Variants in PZP observed in about 807,000 individuals in gnomAD.
The protein encoded by PZP is PZP alpha-2-macroglobulin like.
PZP carries 150 observed loss-of-function variants against 179.8 expected under a neutral mutation model. The ratio of observed to expected loss-of-function variants is 0.83; its 90% CI spans 0.73 to 0.96. The LOEUF is 0.96. Ranked by LOEUF, PZP falls within the 40% of genes least tolerant of loss-of-function variation. The probability of loss-of-function intolerance (pLI) is 0.00; values close to 1 mark genes in which losing one functional copy is unlikely to be tolerated. For synonymous variants in PZP, 624 were observed against 652.3 expected, an observed-to-expected ratio of 0.96 and a Z score of 0.66; for missense variants, 1,689 against 1,764.0, an observed-to-expected ratio of 0.96 and a Z score of 0.76.
At position 9,208,249 on chromosome 12, in the gene PZP, T is replaced by A; in HGVS notation, c.83+10A>T. ...GCACTCTGGAGGAAGGGGTCTTGAGTGAGACTTACGGTTCTGTAGAGTTTG... is the reference window on the plus strand; with the variant it reads ...GCACTCTGGAGGAAGGGGTCTTGAGAGAGACTTACGGTTCTGTAGAGTTTG... On this transcript the variant is annotated intron_variant, in intron 1 of 35. Coordinates refer to ENST00000261336, the MANE Select transcript of PZP (RefSeq NM_002864.3). The A allele has an allele frequency of 6.2e-7, 1 of 1,608,836 alleles. No individual in the cohort carries two copies. The highest frequency in any genetic ancestry group is 1.3e-5 in the African/African-American group (1 of 74,934).
chr12:9,149,104 C>T, intron 35 of PZP, 110 bp from the exon 36 acceptor site: 3 of 934,672 alleles, frequency 3.2e-6, no homozygotes, highest in East Asian at 2.4e-5. Flanking sequence ...TTGTGAAAGG[C>T]CAGATGGTAA....
chr12:9,179,616 G>C (rs140044485), intron 15 of PZP, among the ~76,000 whole-genome samples: 2 of 152,076 alleles, frequency 1.3e-5, no homozygotes, highest in Non-Finnish European at 2.9e-5. Flanking sequence ...TAAATAGTTC[G>C]ATCTGTTAAA....
rs1156616035 is a variant in PZP at position 9,157,306 on chromosome 12, A to G, written c.3419T>C (p.Val1140Ala). 7 of 1,614,082 alleles carry G rather than the reference A, an allele frequency of 4.3e-6. No homozygotes were observed. Among genetic ancestry groups the G allele is most frequent in the African/African-American group, 2.7e-5 (2 of 75,038 alleles). ...GCTCCCATGGGTCCCCTCCTTTGCTACATTCCAGGCTGACTCCAGGCAGAA... is the reference window on the plus strand; with the variant it reads ...GCTCCCATGGGTCCCCTCCTTTGCTGCATTCCAGGCTGACTCCAGGCAGAA... ...ALFCLESAWN[V>A]AKEGTHGSHV... is the part of the protein sequence containing the mutation. The change falls in exon 28 of 36, where the codon GTA (valine) becomes GCA (alanine). Residue 1140 changes from valine (V) to alanine (A), a missense_variant. Transcript: ENST00000261336.
rs770754786 is a variant in PZP, at chr12:9,200,967, G to A, written c.595C>T (p.Gln199Ter). The change falls in exon 6 of 36, where the codon CAG (glutamine) becomes TAG (stop). Residue 199 changes from glutamine to a stop codon, truncating the protein, a stop_gained. Transcript: ENST00000261336. LOFTEE classifies it high-confidence loss of function. ...LSFPLSSEPI[Q>*]GSYRVVVQTE... Reference sequence around the variant, plus strand: ...TGTACCACCACCCTGTAGGAGCCCTGAATGGGCTCTGATGAGAGGGGAAAG... The same window carrying A: ...TGTACCACCACCCTGTAGGAGCCCTAAATGGGCTCTGATGAGAGGGGAAAG... The A allele has an allele frequency of 1.7e-5, 28 of 1,613,822 alleles. No homozygotes were observed. Among genetic ancestry groups the A allele is most frequent in the Non-Finnish European group, 2.3e-5 (27 of 1,179,818 alleles).
intron 1 of PZP, among the ~76,000 whole-genome samples, chr12:9,207,938 C>T (rs1944521984): frequency 6.6e-6 from 1 of 152,178 alleles, no homozygotes; most frequent in Non-Finnish European, 1.5e-5. Context: ...AGTTGCACTT[C>T]ACTATATATT....
At chr12:9,169,777 C>T in intron 15 of PZP, 186 bp from the exon 16 acceptor site, 3 of 482,622 alleles carry the variant, frequency 6.2e-6, no homozygotes, top group Non-Finnish European at 6.7e-6. Context: ...AGAAATGAAA[C>T]CTACTTGGGA....
intron 15 of PZP, among the ~76,000 whole-genome samples, chr12:9,176,496 C>T (rs1364661772): frequency 1.3e-5 from 2 of 152,140 alleles, no homozygotes; most frequent in Non-Finnish European, 2.9e-5. Flanking sequence ...AAACGCAGTC[C>T]ATATTCAAAA....
At chr12:9,145,901 A>G (rs756464133), downstream of PZP, among the ~76,000 whole-genome samples, 122 of 152,350 alleles carry the variant, frequency 8.0e-4, 1 homozygote, top group Non-Finnish European at 1.1e-3. Context: ...CTGAAAAACC[A>G]GCTGATCATC....
chr12:9,165,780 C>T (rs1051659823), intron 18 of PZP, among the ~76,000 whole-genome samples: 5 of 152,132 alleles, frequency 3.3e-5, no homozygotes, highest in Non-Finnish European at 5.9e-5. Context: ...GCTCCCTGAA[C>T]GACATTAAGC....
intron 6 of PZP, 136 bp from the exon 7 acceptor site, chr12:9,200,584 G>A (rs1944098286): frequency 1.3e-6 from 1 of 742,078 alleles, no homozygotes; most frequent in African/African-American, 1.8e-5. Flanking sequence ...TCAACTTTAA[G>A]ATGGTAAGGT....
chr12:9,177,115 C>T (rs1487018871), intron 15 of PZP, among the ~76,000 whole-genome samples: 5 of 152,150 alleles, frequency 3.3e-5, no homozygotes, highest in African/African-American at 7.2e-5. Flanking sequence ...GAACATTGTT[C>T]GTCGCACAAT....
At chr12:9,138,035 G>T in the PZP span, among the ~76,000 whole-genome samples, 2 of 151,982 alleles carry the variant, frequency 1.3e-5, no homozygotes, top group Non-Finnish European at 2.9e-5. Context: ...AACTGTTCTG[G>T]CTAGGGCTTT....
chr12:9,158,473 T>C lies in PZP; in HGVS notation c.3241A>G (p.Lys1081Glu). ...GAGCTCCTGAAACAGCCATTGTCCT[T>C]CTGCATCTGGGAGAGCCACGTGAGA... ...QSLTWLSQMQ[K>E]DNGCFRSSGS... is the part of the protein sequence containing the mutation. The change falls in exon 26 of 36, where the codon AAG becomes GAG. Residue 1081 changes from lysine to glutamate, a missense_variant. Lys to Glu is a moderately conservative substitution (Grantham distance 56). Transcript: ENST00000261336. 1 of 1,614,202 alleles carries C rather than the reference T, an allele frequency of 6.2e-7. No individual in the cohort carries two copies. Among genetic ancestry groups the C allele is most frequent in the Non-Finnish European group, 8.5e-7 (1 of 1,180,026 alleles).
chr12:9,141,520 T>G, the PZP span, among the ~76,000 whole-genome samples: 3 of 152,228 alleles, frequency 2.0e-5, no homozygotes, highest in Non-Finnish European at 4.4e-5. Context: ...AATGTCAGTT[T>G]ACAGAAAAAC....
chr12:9,184,448 G>C (rs895981917), intron 13 of PZP, among the ~76,000 whole-genome samples: 1 of 152,194 alleles, frequency 6.6e-6, no homozygotes, highest in Non-Finnish European at 1.5e-5. Flanking sequence ...ATGCACAGTT[G>C]CTAGTGGGGA....
chr12:9,158,584 G>A lies in PZP; in HGVS notation c.3138-8C>T, dbSNP rs202092352. 96 of 1,613,604 alleles carry A rather than the reference G, an allele frequency of 5.9e-5. No homozygotes were observed. Among genetic ancestry groups the A allele is most frequent in the Non-Finnish European group, 7.8e-5 (92 of 1,179,730 alleles). The stretch of plus-strand genomic sequence containing the variant: ...AGTACAAAAGCTGTGAGCCTAGGGG[G>A]AGGAAAAATGCAGTGCTGAGGCTCT... On this transcript the variant is annotated splice_polypyrimidine_tract_variant and splice_region_variant and intron_variant, in intron 25 of 35. Transcript: ENST00000261336.
chr12:9,149,000 G>C lies in PZP; in HGVS notation c.4427-6C>G. ...AACATTTCCATGCTCTGTATCTATGGAGAAAAGAAAAACGTAAGGAGGTTG... is the reference window on the plus strand; with the variant it reads ...AACATTTCCATGCTCTGTATCTATGCAGAAAAGAAAAACGTAAGGAGGTTG... On this transcript the variant is annotated splice_region_variant and splice_polypyrimidine_tract_variant and intron_variant, in intron 35 of 35. Coordinates refer to ENST00000261336, the MANE Select transcript of PZP (RefSeq NM_002864.3). 2 of 1,611,024 alleles carry C rather than the reference G, an allele frequency of 1.2e-6. No individual in the cohort carries two copies. Among genetic ancestry groups the C allele is most frequent in the Non-Finnish European group, 1.7e-6 (2 of 1,177,300 alleles).
At chr12:9,147,143 CTT>C (rs1205640979), downstream of PZP, among the ~76,000 whole-genome samples, 1 of 152,188 alleles carries the variant, frequency 6.6e-6, no homozygotes, top group Non-Finnish European at 1.5e-5. Context: ...TGGATCAACT[CTT>C]TCTCTCCCTA....
At chr12:9,197,494 T>C (rs998945612) in intron 7 of PZP, among the ~76,000 whole-genome samples, 37 of 128,928 alleles carry the variant, frequency 2.9e-4, no homozygotes, top group African/African-American at 1.1e-3. Context: ...ATATATTATA[T>C]ATAAATATAT....
Sources: gnomAD v4.1 joint callset for allele counts (sites outside exome capture counted in the v4.1 genomes callset) on GRCh38, gnomAD v4.1.1 for gene constraint, MANE v1.5 for transcripts, NCBI Gene and HGNC (gene_info 2026-07-23, HGNC 2026-07-21) for gene names.